The following ANKS3 variants were observed in gnomAD, a reference collection of about 807,000 sequenced individuals.
ANKS3 encodes ankyrin repeat and SAM domain-containing protein 3.
Under a neutral mutation model 80.7 loss-of-function variants are expected in ANKS3, and 62 were observed. That is an observed-to-expected ratio of 0.77 (90% CI 0.63 to 0.95). The LOEUF (loss-of-function observed/expected upper bound fraction) is 0.95. Ranked by LOEUF, ANKS3 falls within the 40% of genes least tolerant of loss-of-function variation. The probability of loss-of-function intolerance (pLI) is 0.00; values close to 1 mark genes in which losing one functional copy is unlikely to be tolerated. For synonymous variants in ANKS3, 489 were observed against 355.3 expected (o/e 1.38, Z -4.23); for missense variants, 1,150 against 883.6 (o/e 1.30, Z -3.82).
chr16:4,712,375 A>G (rs934926384), intron 7 of ANKS3, among the ~76,000 whole-genome samples: 8 of 152,128 alleles, frequency 5.3e-5, no homozygotes, highest in African/African-American at 1.7e-4. Context: ...GCAAGACTCC[A>G]TTTCAAAAAC....
Position 4,714,023 on chromosome 16 carries a change from G to A in ANKS3, c.709+28C>T, listed in dbSNP as rs1416833902. On this transcript the variant is annotated intron_variant, in intron 7 of 17. Transcript: ENST00000304283. ...AAGCTCAAGGCAACCAGAGACCCCA[G>A]CAGGGCGCGGCTGGCAGGTGTGGGT... 3 of 1,611,362 alleles carry A rather than the reference G, an allele frequency of 1.9e-6. No individual in the cohort carries two copies. In the African/African-American group the frequency reaches 4.1e-5, roughly 22 times the overall value.
At chr16:4,728,608 T>C (rs859301) in intron 3 of ANKS3, among the ~76,000 whole-genome samples, 85,430 of 151,240 alleles carry the variant, frequency 0.56, 24,362 homozygotes, top group East Asian at 0.67. Flanking sequence ...CCCCACCCCT[T>C]CCTTCTGATG....
chr16:4,702,068 G>C, intron 9 of ANKS3, 34 bp downstream of exon 9: 1 of 1,544,876 alleles, frequency 6.5e-7, no homozygotes. Flanking sequence ...GGACCTGCCT[G>C]AGCCACGGGC....
chr16:4,728,527 G>A (rs764106276), intron 3 of ANKS3, among the ~76,000 whole-genome samples: 19 of 152,040 alleles, frequency 1.2e-4, no homozygotes, highest in African/African-American at 2.9e-4. Flanking sequence ...CACCCAGCTC[G>A]TCCTAACACT....
intron 9 of ANKS3, 94 bp downstream of exon 9, chr16:4,702,007 GT>G: frequency 1.4e-6 from 2 of 1,423,710 alleles, no homozygotes; most frequent in Non-Finnish European, 1.9e-6. Context: ...GGATGGCTGT[GT>G]CCAGCGCCAG....
In ANKS3 at chr16:4,705,225, G is replaced by A. The variant is rs151121161; in HGVS notation, c.738C>T (p.Asp246=). 42 of 1,613,898 alleles carry A rather than the reference G, an allele frequency of 2.6e-5. No homozygotes were observed. The highest frequency in any genetic ancestry group is 3.1e-5 in the Non-Finnish European group (36 of 1,180,040). The change falls in exon 8 of 18, where the codon GAC becomes GAT. Residue 246 remains aspartate (D), a synonymous_variant. Coordinates refer to ENST00000304283, the MANE Select transcript of ANKS3 (RefSeq NM_133450.4). ...PEKYEDLSSS[D]ESCPAPQRQR... Reference sequence around the variant, plus strand: ...GTCTCTGAGGAGCAGGGCAGGACTCGTCAGAAGAGCTCAGATCTTCGTACT... The same window carrying A: ...GTCTCTGAGGAGCAGGGCAGGACTCATCAGAAGAGCTCAGATCTTCGTACT...
chr16:4,701,157 G>C (rs1361193919), intron 10 of ANKS3, 23 bp from the exon 11 acceptor site: 4 of 1,613,356 alleles, frequency 2.5e-6, no homozygotes, highest in South Asian at 1.1e-5. Context: ...GCGTGCATCT[G>C]AAAGAGTGCG....
Position 4,714,194 on chromosome 16 carries a change from T to C in ANKS3, c.574-8A>G. ...CGCGTCCACCTTGACTCCCTGTGAA[T>C]GTCCGTGAAAGGGGGTTAGGGGCCT... On this transcript the variant is annotated splice_region_variant and splice_polypyrimidine_tract_variant and intron_variant, in intron 6 of 17. Coordinates refer to ENST00000304283, the MANE Select transcript of ANKS3 (RefSeq NM_133450.4). 6.2e-7 allele frequency: 1 copy of C among 1,613,808 alleles called. No homozygotes were observed. Among genetic ancestry groups the C allele is most frequent in the South Asian group, 1.1e-5 (1 of 91,040 alleles).
At chr16:4,714,513 C>T (rs2080674655) in intron 6 of ANKS3, among the ~76,000 whole-genome samples, 1 of 152,236 alleles carries the variant, frequency 6.6e-6, no homozygotes, top group African/African-American at 2.4e-5. Context: ...GTCCCACTCA[C>T]TTCGCTTGTC....
chr16:4,727,979 T>A (rs1555477996), intron 3 of ANKS3: 1 of 152,276 alleles, frequency 6.6e-6, no homozygotes, highest in Non-Finnish European at 1.5e-5. Flanking sequence ...CCTTCCCCAG[T>A]TCTTGCCTGC....
intron 6 of ANKS3, among the ~76,000 whole-genome samples, chr16:4,722,810 C>T (rs1327393451): frequency 1.3e-5 from 2 of 150,722 alleles, no homozygotes; most frequent in Non-Finnish European, 3.0e-5. Flanking sequence ...CCCAGCTACT[C>T]GGGAGGCTGA....
intron 15 of ANKS3, 131 bp downstream of exon 15, chr16:4,697,846 C>G (rs1567287007): frequency 2.3e-6 from 2 of 873,714 alleles, no homozygotes; most frequent in Non-Finnish European, 3.4e-6. Context: ...ACTCTGGGAT[C>G]ATGTGCACAC....
intron 1 of ANKS3, 38 bp downstream of exon 1, chr16:4,733,900 C>G: frequency 1.0e-6 from 1 of 985,300 alleles, no homozygotes; most frequent in Non-Finnish European, 1.2e-6. Flanking sequence ...GCTCACTGGC[C>G]CCGGGGCGGG....
intron 10 of ANKS3, 35 bp from the exon 11 acceptor site, chr16:4,701,169 G>A (rs374718308): frequency 2.2e-5 from 35 of 1,612,186 alleles, no homozygotes; most frequent in Middle Eastern, 1.6e-4. Flanking sequence ...AAGAGTGCGC[G>A]GGCTAACTTG....
rs761222831 is a variant in ANKS3, at chr16:4,700,859, C to G, written c.1284+111G>C. ...CTAACAGGCCATGGGGATGCCACCG[C>G]CATTCTGTTCTCCTAGCAGCGCCTG... On this transcript the variant is annotated intron_variant, in intron 11 of 17. Coordinates refer to ENST00000304283, the MANE Select transcript of ANKS3 (RefSeq NM_133450.4). 38 of 1,416,056 alleles carry G rather than the reference C, an allele frequency of 2.7e-5. No homozygotes were observed. The Admixed American group carries it at 6.4e-4, about 24-fold the overall frequency. The allele number at this position is 1,416,056 out of a possible 1,614,324, so 87.7% of individuals were successfully genotyped here. A position where few individuals can be genotyped will look rare whatever the true frequency, so the allele number is the denominator to read the frequency against.
intron 8 of ANKS3, among the ~76,000 whole-genome samples, chr16:4,702,900 G>A (rs2079993270): frequency 6.6e-6 from 1 of 152,108 alleles, no homozygotes; most frequent in African/African-American, 2.4e-5. Context: ...CTACTTGGGA[G>A]GCTGAGACAG....
intron 6 of ANKS3, among the ~76,000 whole-genome samples, chr16:4,720,185 CAGGCACGGTGGCTCACGCCTGT>C (rs2081015518): frequency 6.9e-6 from 1 of 144,228 alleles, no homozygotes; most frequent in Non-Finnish European, 1.5e-5. Context: ...AAAAAAAGGC[CAGGCACGGTGGCTCACGCCTGT>C]AATCCCAGCA....
chr16:4,729,882 T>C, intron 3 of ANKS3, 98 bp downstream of exon 3: 1 of 1,218,654 alleles, frequency 8.2e-7, no homozygotes. Context: ...TCTACACGCA[T>C]TAAACATCCA....
chr16:4,699,384 G>T (rs531147473), intron 11 of ANKS3: 1 of 628,402 alleles, frequency 1.6e-6, no homozygotes, highest in East Asian at 2.8e-5. Context: ...GGTCGGCCAC[G>T]TGGGGACAAT....
Sources: gnomAD v4.1 joint callset for allele counts (sites outside exome capture counted in the v4.1 genomes callset) on GRCh38, gnomAD v4.1.1 for gene constraint, MANE v1.5 for transcripts, NCBI Gene and HGNC (gene_info 2026-07-23, HGNC 2026-07-21) for gene names.